The following TEK variants were observed in gnomAD, a reference collection of about 807,000 sequenced individuals.
TEK encodes the protein angiopoietin-1 receptor.
In TEK, 43 loss-of-function variants were observed where a neutral mutation model predicts 131.8. The observed-to-expected ratio is 0.33, with a 90% CI of 0.26 to 0.42. The LOEUF (loss-of-function observed/expected upper bound fraction) is 0.42, where lower values mean the gene tolerates loss of function less well. TEK is among the 10% of genes least tolerant of loss of function. TEK has a pLI of 1.00. For missense variants in TEK, 1,162 were observed against 1,384.4 expected, an observed-to-expected ratio of 0.84 and a Z score of 2.55; for synonymous variants, 580 against 491.6, an observed-to-expected ratio of 1.18 and a Z score of -2.38.
chr9:27,136,085 A>ATTTTTTTTTT (rs36023271), intron 1 of TEK, among the ~76,000 whole-genome samples: 59 of 136,998 alleles, frequency 4.3e-4, no homozygotes, highest in African/African-American at 1.4e-3. Flanking sequence ...CAGGGCAGTT[A>ATTTTTTTTTT]TTTTTTTTTT....
At chr9:27,166,501 A>G (rs572300982) in intron 2 of TEK, among the ~76,000 whole-genome samples, 4 of 152,334 alleles carry the variant, frequency 2.6e-5, no homozygotes, top group South Asian at 2.1e-4. Context: ...CAGGATTACA[A>G]TATCTTCCTG....
chr9:27,109,276 T>TA lies in TEK; in HGVS notation c.-313dup. The TA allele has an allele frequency of 1.9e-6, 1 of 528,500 alleles. No homozygotes were observed. Among genetic ancestry groups the TA allele is most frequent in the Admixed American group, 3.5e-5 (1 of 28,386 alleles). 32.7% of individuals were successfully genotyped at this position (528,500 alleles called of 1,614,324 possible). A position where few individuals can be genotyped will look rare whatever the true frequency, so the allele number is the denominator to read the frequency against. On this transcript the variant is annotated 5_prime_UTR_variant, in exon 1 of 23. Coordinates refer to ENST00000380036, the MANE Select transcript of TEK (RefSeq NM_000459.5). Reference sequence around the variant, plus strand: ...CAGCAGCAGAAGCAACAGCAACAGATAAGTGTTTTGATGAATTGCGAGATG... The same window carrying TA: ...CAGCAGCAGAAGCAACAGCAACAGATAAAGTGTTTTGATGAATTGCGAGATG...
chr9:27,129,647 C>A (rs1445051444), intron 1 of TEK, among the ~76,000 whole-genome samples: 1 of 152,146 alleles, frequency 6.6e-6, no homozygotes, highest in African/African-American at 2.4e-5. Flanking sequence ...AAATATTCAC[C>A]CAATAAAATA....
intron 6 of TEK, among the ~76,000 whole-genome samples, chr9:27,178,690 A>G (rs1824256632): frequency 1.3e-5 from 2 of 152,278 alleles, no homozygotes; most frequent in South Asian, 2.1e-4. Flanking sequence ...CAGTTGACCA[A>G]AATAAGGACA....
At chr9:27,186,882 G>T (rs539188876) in intron 9 of TEK, among the ~76,000 whole-genome samples, 23 of 152,036 alleles carry the variant, frequency 1.5e-4, no homozygotes, top group Non-Finnish European at 1.2e-4. Flanking sequence ...CCATAGATTT[G>T]GATTCTGTGC....
In TEK at chr9:27,115,383, C is replaced by G. The variant is rs189598422; in HGVS notation, c.52+5741C>G. Among the ~76,000 whole-genome samples, 384 of 152,140 alleles carry G rather than the reference C, an allele frequency of 2.5e-3. 1 individual carries two copies. The highest frequency in any genetic ancestry group is 8.7e-3 in the African/African-American group (361 of 41,502). On this transcript the variant is annotated intron_variant, in intron 1 of 22. Transcript: ENST00000380036. ...GCATGGTGGCACGTGCATGTAGTCCCAGCTACTCGGGTGGCTGAAGTGGGA... is the reference window on the plus strand; with the variant it reads ...GCATGGTGGCACGTGCATGTAGTCCGAGCTACTCGGGTGGCTGAAGTGGGA...
intron 1 of TEK, among the ~76,000 whole-genome samples, chr9:27,153,134 C>A (rs1226314720): frequency 6.6e-6 from 1 of 152,144 alleles, no homozygotes. Flanking sequence ...TAAACAAGGA[C>A]ACACTTTTAT....
intron 1 of TEK, among the ~76,000 whole-genome samples, chr9:27,144,065 C>A (rs1015685825): frequency 6.6e-6 from 1 of 152,170 alleles, no homozygotes; most frequent in Admixed American, 6.5e-5. Flanking sequence ...GGGCAGAACA[C>A]GAGGTCAAGA....
At chr9:27,128,335 G>C (rs1822071963) in intron 1 of TEK, among the ~76,000 whole-genome samples, 1 of 152,004 alleles carries the variant, frequency 6.6e-6, no homozygotes, top group Non-Finnish European at 1.5e-5. Context: ...CATTGGTCTA[G>C]GTATCTCTTT....
chr9:27,163,190 C>T (rs567325445), intron 2 of TEK, among the ~76,000 whole-genome samples: 32 of 152,296 alleles, frequency 2.1e-4, no homozygotes, highest in South Asian at 1.9e-3. Context: ...TGTAACTTAA[C>T]GTGCATTTAC....
intron 1 of TEK, among the ~76,000 whole-genome samples, chr9:27,140,287 G>GT (rs1026488063): frequency 6.6e-6 from 1 of 150,532 alleles, no homozygotes. Flanking sequence ...CGCTCACCAT[G>GT]TTTGAAGGCA....
At chr9:27,124,453 G>C (rs1821913528) in intron 1 of TEK, among the ~76,000 whole-genome samples, 1 of 152,208 alleles carries the variant, frequency 6.6e-6, no homozygotes, top group Non-Finnish European at 1.5e-5. Flanking sequence ...AAACACAAGA[G>C]AGCTAAGTAG....
chr9:27,198,965 T>C (rs1483560054), intron 12 of TEK, among the ~76,000 whole-genome samples: 1 of 152,070 alleles, frequency 6.6e-6, no homozygotes, highest in East Asian at 1.9e-4. Context: ...ACCTGACTTT[T>C]TTTAAAAATT....
chr9:27,110,910 A>G (rs1821316357), intron 1 of TEK, among the ~76,000 whole-genome samples: 2 of 29,900 alleles, frequency 6.7e-5, no homozygotes, highest in South Asian at 6.0e-3. Flanking sequence ...TCATGATTCC[A>G]TTTTTGATTT....
intron 7 of TEK, among the ~76,000 whole-genome samples, chr9:27,182,638 C>T (rs188045280): frequency 5.9e-5 from 9 of 152,254 alleles, no homozygotes; most frequent in South Asian, 2.1e-4. Context: ...ACATTGTTTA[C>T]TGAGTGTTGG....
intron 1 of TEK, among the ~76,000 whole-genome samples, chr9:27,116,351 C>T (rs905452246): frequency 2.0e-5 from 3 of 152,050 alleles, no homozygotes; most frequent in Non-Finnish European, 4.4e-5. Context: ...TGCAGTGGCA[C>T]GATCTTGGCT....
chr9:27,112,451 A>G (rs1163946565), intron 1 of TEK, among the ~76,000 whole-genome samples: 1 of 152,036 alleles, frequency 6.6e-6, no homozygotes, highest in Non-Finnish European at 1.5e-5. Flanking sequence ...CCTTCCAAGC[A>G]TTGTCTTTAT....
At chr9:27,124,621 G>A (rs969844224) in intron 1 of TEK, among the ~76,000 whole-genome samples, 1 of 152,182 alleles carries the variant, frequency 6.6e-6, no homozygotes, top group African/African-American at 2.4e-5. Context: ...GGAGAGTTGG[G>A]GCCAATAATT....
intron 1 of TEK, among the ~76,000 whole-genome samples, chr9:27,126,657 T>A (rs986294972): frequency 2.0e-5 from 3 of 152,208 alleles, no homozygotes; most frequent in Non-Finnish European, 4.4e-5. Flanking sequence ...AGAGAGAAAC[T>A]GCTCCAGTCT....
Sources: gnomAD v4.1 joint callset for allele counts (sites outside exome capture counted in the v4.1 genomes callset) on GRCh38, gnomAD v4.1.1 for gene constraint, MANE v1.5 for transcripts, NCBI Gene and HGNC (gene_info 2026-07-23, HGNC 2026-07-21) for gene names.